Variants in TTBK2 observed in about 807,000 individuals in gnomAD.
TTBK2 encodes the protein tau-tubulin kinase 2.
TTBK2 carries 28 observed loss-of-function variants against 110.8 expected under a neutral mutation model. The ratio of observed to expected loss-of-function variants is 0.25; its 90% CI spans 0.19 to 0.35. The LOEUF (loss-of-function observed/expected upper bound fraction) is 0.35, where lower values mean the gene tolerates loss of function less well. TTBK2 is among the 10% of genes least tolerant of loss of function. The pLI is 1.00. For synonymous variants in TTBK2, 532 were observed against 527.3 expected (o/e 1.01, Z -0.12); for missense variants, 1,369 against 1,500.3 (o/e 0.91, Z 1.45).
chr15:42,837,779 G>A (rs1449562507), intron 4 of TTBK2, among the ~76,000 whole-genome samples: 2 of 151,830 alleles, frequency 1.3e-5, no homozygotes, highest in South Asian at 2.1e-4. Flanking sequence ...GTCTACAGAC[G>A]TTAGTATCTT....
chr15:42,744,759 CTAA>C lies in TTBK2; in HGVS notation c.*1033_*1035del, dbSNP rs1160132763. ...GTATAAAATACAAAGTTTGAGGATTCTAAGCCTCAATAATATATCTAATTTATT... is the reference window on the plus strand; with the variant it reads ...GTATAAAATACAAAGTTTGAGGATTCGCCTCAATAATATATCTAATTTATT... On this transcript the variant is annotated 3_prime_UTR_variant, in exon 15 of 15. Coordinates refer to ENST00000267890, the MANE Select transcript of TTBK2 (RefSeq NM_173500.4). The C allele has an allele frequency of 6.6e-6, 1 of 152,216 alleles. No individual in the cohort carries two copies. The highest frequency in any genetic ancestry group is 1.5e-5 in the Non-Finnish European group (1 of 68,092). The allele number at this position is 152,216 out of a possible 1,614,324, so 9.4% of individuals were successfully genotyped here.
At chr15:42,791,130 C>T (rs532636407) in intron 10 of TTBK2, among the ~76,000 whole-genome samples, 25 of 152,218 alleles carry the variant, frequency 1.6e-4, no homozygotes, top group African/African-American at 2.9e-4. Flanking sequence ...ATGATCCGCC[C>T]GCCTTGGCCT....
intron 10 of TTBK2, among the ~76,000 whole-genome samples, chr15:42,789,331 CAT>C (rs1890545315): frequency 6.6e-6 from 1 of 151,734 alleles, no homozygotes; most frequent in Non-Finnish European, 1.5e-5. Context: ...TTTTTGTTCA[CAT>C]ATAAATGAGA....
At chr15:42,821,429 T>G (rs1892292681) in intron 6 of TTBK2, among the ~76,000 whole-genome samples, 3 of 152,214 alleles carry the variant, frequency 2.0e-5, no homozygotes. Context: ...TTACTTACAG[T>G]AAAATTCATA....
intron 1 of TTBK2, among the ~76,000 whole-genome samples, chr15:42,902,589 A>G (rs1054942441): frequency 6.6e-6 from 1 of 152,204 alleles, no homozygotes; most frequent in Non-Finnish European, 1.5e-5. Context: ...TATAAAAAAT[A>G]AATATGGCAG....
intron 3 of TTBK2, among the ~76,000 whole-genome samples, chr15:42,843,892 C>G (rs917439227): frequency 6.6e-6 from 1 of 152,098 alleles, no homozygotes; most frequent in African/African-American, 2.4e-5. Flanking sequence ...AGGCGTCCCC[C>G]ACCCAGGGAA....
At chr15:42,901,700 C>T (rs1246856880) in intron 1 of TTBK2, among the ~76,000 whole-genome samples, 1 of 151,574 alleles carries the variant, frequency 6.6e-6, no homozygotes, top group African/African-American at 2.4e-5. Context: ...AAAAGACAAC[C>T]CACAAAATGG....
intron 13 of TTBK2, among the ~76,000 whole-genome samples, chr15:42,773,081 T>C (rs1889747415): frequency 6.6e-6 from 1 of 152,090 alleles, no homozygotes; most frequent in Non-Finnish European, 1.5e-5. Context: ...CTCATGCCTG[T>C]AGTCCTAGTG....
intron 2 of TTBK2, among the ~76,000 whole-genome samples, chr15:42,877,278 A>G (rs918135277): frequency 6.6e-6 from 1 of 152,212 alleles, no homozygotes; most frequent in African/African-American, 2.4e-5. Flanking sequence ...CTCCTAGTGA[A>G]GGCTCACAAT....
chr15:42,899,488 C>T (rs1253229005), intron 1 of TTBK2, among the ~76,000 whole-genome samples: 1 of 151,956 alleles, frequency 6.6e-6, no homozygotes, highest in African/African-American at 2.4e-5. Flanking sequence ...CGCCTGTAAT[C>T]CCAGCACTTT....
At chr15:42,868,525 A>C (rs1398916341) in intron 3 of TTBK2, among the ~76,000 whole-genome samples, 2 of 152,134 alleles carry the variant, frequency 1.3e-5, no homozygotes, top group Non-Finnish European at 2.9e-5. Context: ...TTTTTAAAAA[A>C]GTCTTTTAAA....
intron 1 of TTBK2, among the ~76,000 whole-genome samples, chr15:42,913,753 C>T (rs1208449409): frequency 1.3e-5 from 2 of 152,120 alleles, no homozygotes; most frequent in African/African-American, 2.4e-5. Flanking sequence ...AACACATAAA[C>T]AAATTCTTCC....
At chr15:42,776,239 G>C (rs1433704253) in intron 12 of TTBK2, among the ~76,000 whole-genome samples, 2 of 152,158 alleles carry the variant, frequency 1.3e-5, no homozygotes, top group Non-Finnish European at 2.9e-5. Context: ...CAAATTCACA[G>C]TCCCTCTAAC....
intron 1 of TTBK2, among the ~76,000 whole-genome samples, chr15:42,904,838 T>C (rs933663664): frequency 2.0e-5 from 3 of 152,134 alleles, no homozygotes; most frequent in Non-Finnish European, 2.9e-5. Context: ...GCGAAGTTAA[T>C]TAAAGGGCTC....
intron 14 of TTBK2, among the ~76,000 whole-genome samples, chr15:42,750,320 ACT>A (rs2061848721): frequency 1.3e-5 from 2 of 152,152 alleles, no homozygotes; most frequent in African/African-American, 4.8e-5. Context: ...CTTTGAAACA[ACT>A]CTCTTAAGGA....
At chr15:42,867,143 C>T (rs1894405124) in intron 3 of TTBK2, among the ~76,000 whole-genome samples, 1 of 151,174 alleles carries the variant, frequency 6.6e-6, no homozygotes. Flanking sequence ...ACTAGGGAGG[C>T]TGAGGCAAGA....
At chr15:42,766,537 G>GTC (rs1889390403) in intron 13 of TTBK2, among the ~76,000 whole-genome samples, 2 of 147,888 alleles carry the variant, frequency 1.4e-5, no homozygotes, top group Non-Finnish European at 3.0e-5. Context: ...AGACAAAGAA[G>GTC]GTCATTACAC....
chr15:42,772,609 C>A (rs757027689), intron 13 of TTBK2, among the ~76,000 whole-genome samples: 1 of 152,098 alleles, frequency 6.6e-6, no homozygotes, highest in Non-Finnish European at 1.5e-5. Context: ...GGTGATGTTA[C>A]TAGTGCCCAG....
Position 42,798,951 on chromosome 15 carries a change from A to G in TTBK2, c.823-4150T>C, listed in dbSNP as rs138954325. Among the ~76,000 whole-genome samples the G allele has an allele frequency of 3.3e-5, 5 of 152,334 alleles. No homozygotes were observed. In the East Asian group the frequency reaches 9.6e-4, roughly 29 times the overall value. ...TCCCAAATCTGAAAATCGAAAATCC[A>G]AAATATTCCAAAACACAATTTTGGG... is the stretch of plus-strand genomic sequence containing the variant. On this transcript the variant is annotated intron_variant, in intron 9 of 14. Transcript: ENST00000267890.
Sources: gnomAD v4.1 joint callset for allele counts (sites outside exome capture counted in the v4.1 genomes callset) on GRCh38, gnomAD v4.1.1 for gene constraint, MANE v1.5 for transcripts, NCBI Gene and HGNC (gene_info 2026-07-23, HGNC 2026-07-21) for gene names.